The following PCDHGA8 variants were observed in gnomAD, a reference collection of about 807,000 sequenced individuals.
PCDHGA8 encodes protocadherin gamma-A8.
PCDHGA8 carries 45 observed loss-of-function variants against 59.2 expected under a neutral mutation model. The observed-to-expected ratio is 0.76, with a 90% CI of 0.60 to 0.98. The LOEUF is 0.98. Among genes scored for constraint, PCDHGA8 ranks in the 50% least tolerant of loss-of-function variants. The pLI is 0.00. For synonymous variants in PCDHGA8, 531 were observed against 519.0 expected (o/e 1.02, Z -0.32); for missense variants, 1,257 against 1,196.2 (o/e 1.05, Z -0.75).
chr5:141,431,032 C>T lies in PCDHGA8; in HGVS notation c.2424+35795C>T. 1 of 1,614,008 alleles carries T rather than the reference C, an allele frequency of 6.2e-7. No individual in the cohort carries two copies. The highest frequency in any genetic ancestry group is 2.2e-5 in the East Asian group (1 of 44,848). On this transcript the variant is annotated intron_variant, in intron 1 of 3. Transcript: ENST00000398604. This position sits in a 1 kb window ranked among gnomAD's most constrained non-coding sequence, Gnocchi z 4.8. ...GCTTGGTCACGGCGGGCAGGATAGA[C>T]CGGGAGGAGCTCTGTATGGGGGCCA...
At chr5:141,444,644 G>T (rs1300191764) in intron 1 of PCDHGA8, among the ~76,000 whole-genome samples, 1 of 151,892 alleles carries the variant, frequency 6.6e-6, no homozygotes, top group Non-Finnish European at 1.5e-5. Flanking sequence ...ATTGAGGTAG[G>T]GGTTGAAGTT....
At chr5:141,421,513 C>T (rs368199651) in intron 1 of PCDHGA8, 14 of 1,613,960 alleles carry the variant, frequency 8.7e-6, no homozygotes, top group Non-Finnish European at 1.1e-5. Context: ...CCGGGAGGAG[C>T]TCTGTGAGAC....
intron 1 of PCDHGA8, chr5:141,410,140 G>C: frequency 6.2e-7 from 1 of 1,612,782 alleles, no homozygotes; most frequent in Non-Finnish European, 8.5e-7. Context: ...TGGTCGCTGT[G>C]CGTGACGGTG....
intron 1 of PCDHGA8, among the ~76,000 whole-genome samples, chr5:141,473,090 T>C (rs1426311051): frequency 3.9e-5 from 6 of 152,064 alleles, no homozygotes; most frequent in African/African-American, 1.4e-4. Context: ...TTATCCACTG[T>C]GAGTTGTATT....
At chr5:141,426,445 A>T (rs2096937062) in intron 1 of PCDHGA8, 1 of 310,256 alleles carries the variant, frequency 3.2e-6, no homozygotes, top group East Asian at 8.0e-5. Context: ...TGCGGAGGAC[A>T]TGCGGCTGCA....
intron 1 of PCDHGA8, chr5:141,421,801 A>G (rs754191783): frequency 6.2e-7 from 1 of 1,613,858 alleles, no homozygotes; most frequent in Middle Eastern, 1.6e-4. Flanking sequence ...TGGGGCCAAG[A>G]ATCCAGAGCT....
chr5:141,393,527 T>A lies in PCDHGA8; in HGVS notation c.714T>A (p.Asn238Lys). ...TGACAGTGTTGGATACAAATGACAA[T>A]GCCCCGGTTTTTCCTCACCCGATTT... is the stretch of plus-strand genomic sequence containing the variant. Reference protein sequence around the residue: ...IHVTVLDTNDNAPVFPHPIYR... With the variant: ...IHVTVLDTNDKAPVFPHPIYR... The change falls in exon 1 of 4, where the codon AAT becomes AAA. Residue 238 changes from asparagine to lysine, a missense_variant. By Grantham distance (94) the Asn-to-Lys change is moderately conservative (BLOSUM62 0). Coordinates refer to ENST00000398604, the MANE Select transcript of PCDHGA8 (RefSeq NM_032088.2). 6.2e-6 allele frequency: 10 copies of A among 1,613,990 alleles called. No homozygotes were observed. The highest frequency in any genetic ancestry group is 6.8e-6 in the Non-Finnish European group (8 of 1,179,902).
At chr5:141,430,716 G>T (rs1327065498) in intron 1 of PCDHGA8, 2 of 1,487,962 alleles carry the variant, frequency 1.3e-6, no homozygotes, top group African/African-American at 2.8e-5. Context: ...CCTGACTTCA[G>T]TGGTTAAGGG....
chr5:141,394,536 G>C lies in PCDHGA8; in HGVS notation c.1723G>C (p.Val575Leu), dbSNP rs2093028301. ...CCTCCCCACAGACGGTTCCACTGGCGTGGAGCTGGCGCCCCGCTCCGCAGA... is the reference window on the plus strand; with the variant it reads ...CCTCCCCACAGACGGTTCCACTGGCCTGGAGCTGGCGCCCCGCTCCGCAGA... The part of the protein sequence containing the change: ...PALPTDGSTG[V>L]ELAPRSAERG... The change falls in exon 1 of 4, where the codon GTG becomes CTG. Residue 575 changes from valine (V) to leucine (L), a missense_variant. Coordinates refer to ENST00000398604, the MANE Select transcript of PCDHGA8 (RefSeq NM_032088.2). 2 of 1,614,070 alleles carry C rather than the reference G, an allele frequency of 1.2e-6. No homozygotes were observed.
At chr5:141,429,445 G>C (rs2097215795) in intron 1 of PCDHGA8, among the ~76,000 whole-genome samples, 1 of 151,758 alleles carries the variant, frequency 6.6e-6, no homozygotes, top group Admixed American at 6.6e-5. Context: ...AAACTCTTGG[G>C]CTACAGTAAT....
intron 1 of PCDHGA8, chr5:141,427,019 CAA>C (rs1369360584): frequency 8.8e-6 from 4 of 456,798 alleles, no homozygotes; most frequent in Admixed American, 2.3e-5. Flanking sequence ...AGGATGTATA[CAA>C]AGTCAGCCTT....
chr5:141,501,132 G>T (rs371444727), intron 2 of PCDHGA8, among the ~76,000 whole-genome samples: 2 of 152,262 alleles, frequency 1.3e-5, no homozygotes, highest in East Asian at 3.9e-4. Flanking sequence ...CTCCCTAAGT[G>T]CTGGGATTAC....
intron 1 of PCDHGA8, among the ~76,000 whole-genome samples, chr5:141,483,997 T>G (rs2099590025): frequency 8.6e-5 from 6 of 69,516 alleles, no homozygotes; most frequent in East Asian, 4.4e-4. Context: ...TGCTGGGAGG[T>G]CTGGATGAGG....
At chr5:141,421,120 G>T (rs747126094) in intron 1 of PCDHGA8, 4 of 779,870 alleles carry the variant, frequency 5.1e-6, no homozygotes, top group Non-Finnish European at 7.9e-6. Flanking sequence ...ATTTTCCTTC[G>T]CTTTCTGATA....
chr5:141,455,738 A>G (rs896060095), intron 1 of PCDHGA8, among the ~76,000 whole-genome samples: 2 of 152,140 alleles, frequency 1.3e-5, no homozygotes, highest in Non-Finnish European at 2.9e-5. Flanking sequence ...TTGCATATCA[A>G]AGGTTGCTGG....
chr5:141,484,603 G>T (rs1460433183), intron 1 of PCDHGA8, among the ~76,000 whole-genome samples: 1 of 152,008 alleles, frequency 6.6e-6, no homozygotes, highest in Non-Finnish European at 1.5e-5. Context: ...TAGAATACTG[G>T]TTGATGACAA....
intron 1 of PCDHGA8, among the ~76,000 whole-genome samples, chr5:141,420,877 G>T (rs566962587): frequency 3.9e-5 from 6 of 152,338 alleles, no homozygotes; most frequent in African/African-American, 1.4e-4. Context: ...TGTAAGTATT[G>T]TGTATCATCG....
chr5:141,415,594 G>A (rs753362668), intron 1 of PCDHGA8: 1 of 1,613,866 alleles, frequency 6.2e-7, no homozygotes, highest in Non-Finnish European at 8.5e-7. Context: ...TCCTATAGAG[G>A]ATACCCCATT....
chr5:141,421,409 C>T, intron 1 of PCDHGA8: 1 of 1,614,026 alleles, frequency 6.2e-7, no homozygotes, highest in Non-Finnish European at 8.5e-7. Context: ...CGGGAGCTGG[C>T]GAAGCGCGGA....
Sources: allele counts gnomAD v4.1 joint callset (sites outside exome capture counted in the v4.1 genomes callset), GRCh38; gene constraint gnomAD v4.1.1; non-coding constraint Gnocchi (gnomAD v3.1); transcripts MANE v1.5; gene names NCBI Gene and HGNC (gene_info 2026-07-23, HGNC 2026-07-21).